The following IL17F variants were observed in gnomAD, a reference collection of about 807,000 sequenced individuals.
IL17F encodes the protein interleukin-17F.
In IL17F, 6 loss-of-function variants were observed where a neutral mutation model predicts 8.3. That is an observed-to-expected ratio of 0.73 (90% CI 0.40 to 1.43). IL17F has a LOEUF of 1.43. Ranked by LOEUF, IL17F falls within the 40% of genes most tolerant of loss-of-function variation. IL17F has a pLI of 0.02. For missense variants in IL17F, 204 were observed against 209.6 expected, an observed-to-expected ratio of 0.97 and a Z score of 0.17; for synonymous variants, 98 against 81.6, an observed-to-expected ratio of 1.20 and a Z score of -1.08.
intron 1 of IL17F, among the ~76,000 whole-genome samples, chr6:52,239,816 A>G (rs1389354151): frequency 6.6e-6 from 1 of 152,236 alleles, no homozygotes; most frequent in Non-Finnish European, 1.5e-5. Context: ...TAAGAAAAAC[A>G]TTACGCAAAA....
In IL17F at chr6:52,244,453, G is replaced by A; in HGVS notation, c.-24C>T. 1.2e-6 allele frequency: 2 copies of A among 1,612,852 alleles called. No homozygotes were observed. The highest frequency in any genetic ancestry group is 1.7e-6 in the Non-Finnish European group (2 of 1,178,850). On this transcript the variant is annotated 5_prime_UTR_variant, in exon 1 of 3. Transcript: ENST00000336123. ...ATGTTGCGCTGGTGGCTTACTTTGT[G>A]CAGGAAGCTCTTTCTGTGAATGTAT...
chr6:52,242,465 C>T (rs1764091541), intron 1 of IL17F, among the ~76,000 whole-genome samples: 1 of 152,208 alleles, frequency 6.6e-6, no homozygotes, highest in Non-Finnish European at 1.5e-5. Context: ...TTCCAATGCT[C>T]CTTGCACTGT....
chr6:52,240,253 A>G (rs1186635210), intron 1 of IL17F, among the ~76,000 whole-genome samples: 1 of 152,132 alleles, frequency 6.6e-6, no homozygotes, highest in African/African-American at 2.4e-5. Context: ...CCTGGCCAAC[A>G]TGGTGAAACC....
In IL17F at chr6:52,236,719, T is replaced by A; in HGVS notation, c.*212A>T. ...AATACTTTATTATATTAGCACTGAA[T>A]ATATTAATTTTTCTCCTAACATTTT... On this transcript the variant is annotated 3_prime_UTR_variant, in exon 3 of 3. Coordinates refer to ENST00000336123, the MANE Select transcript of IL17F (RefSeq NM_052872.4). 1 of 573,566 alleles carries A rather than the reference T, an allele frequency of 1.7e-6. No individual in the cohort carries two copies. Among genetic ancestry groups the A allele is most frequent in the East Asian group, 3.0e-5 (1 of 33,086 alleles). The allele number at this position is 573,566 out of a possible 1,614,324, so 35.5% of individuals were successfully genotyped here. A position where few individuals can be genotyped will look rare whatever the true frequency, so the allele number is the denominator to read the frequency against.
chr6:52,240,005 C>T (rs1484393954), intron 1 of IL17F, among the ~76,000 whole-genome samples: 1 of 152,132 alleles, frequency 6.6e-6, no homozygotes, highest in Non-Finnish European at 1.5e-5. Context: ...TGAAAGTGCA[C>T]TGAAGACCTA....
upstream of IL17F, chr6:52,244,654 C>T (rs1331627674): frequency 1.7e-6 from 1 of 574,388 alleles, no homozygotes; most frequent in African/African-American, 1.9e-5. Context: ...AAAAGGGGGA[C>T]CCTAAAGAAA....
intron 1 of IL17F, chr6:52,239,296 C>T (rs1245913353): frequency 9.6e-6 from 3 of 311,382 alleles, no homozygotes; most frequent in East Asian, 7.1e-5. Context: ...TAATAATGCT[C>T]ACTTTATGAG....
intron 2 of IL17F, among the ~76,000 whole-genome samples, chr6:52,237,735 T>C (rs533564563): frequency 6.6e-6 from 1 of 152,140 alleles, no homozygotes; most frequent in East Asian, 1.9e-4. Flanking sequence ...CCACTTGTAG[T>C]GTGACAGGAC....
intron 1 of IL17F, among the ~76,000 whole-genome samples, chr6:52,241,093 TG>T (rs1342988886): frequency 1.3e-5 from 2 of 152,052 alleles, no homozygotes; most frequent in African/African-American, 4.8e-5. Context: ...TTTGTTTGTT[TG>T]TTTTGATGGA....
intron 1 of IL17F, among the ~76,000 whole-genome samples, chr6:52,243,647 T>A (rs1209721240): frequency 6.6e-6 from 1 of 152,154 alleles, no homozygotes; most frequent in Non-Finnish European, 1.5e-5. Context: ...CCTGACTCTA[T>A]AATGGATGGC....
At position 52,237,148 on chromosome 6, in the gene IL17F, C is replaced by T. The variant is rs376780230; in HGVS notation, c.275G>A (p.Arg92Gln). 35 of 1,613,704 alleles carry T rather than the reference C, an allele frequency of 2.2e-5. No individual in the cohort carries two copies. Among genetic ancestry groups the T allele is most frequent in the East Asian group, 4.5e-5 (2 of 44,868 alleles). Reference protein sequence around the residue: ...WNYTVTWDPNRYPSEVVQAQC... With the variant: ...WNYTVTWDPNQYPSEVVQAQC... ...GGCCTGTACAACTTCCGAGGGGTAC[C>T]GGTTGGGGTCCCAAGTGACACTGCA... The change falls in exon 3 of 3, where the codon CGG (arginine) becomes CAG (glutamine). Residue 92 changes from arginine to glutamine, a missense_variant. Physicochemically the swap from Arg to Gln is conservative, Grantham distance 43 (BLOSUM62 1). Transcript: ENST00000336123.
Position 52,237,223 on chromosome 6 carries a change from G to A in IL17F, c.255-55C>T, listed in dbSNP as rs971133931. 93 of 1,336,648 alleles carry A rather than the reference G, an allele frequency of 7.0e-5. No individual in the cohort carries two copies. The African/African-American group carries it at 1.1e-3, about 15-fold the overall frequency. The allele number at this position is 1,336,648 out of a possible 1,614,324, so 82.8% of individuals were successfully genotyped here. A position where few individuals can be genotyped will look rare whatever the true frequency, so the allele number is the denominator to read the frequency against. On this transcript the variant is annotated intron_variant, in intron 2 of 2. Coordinates refer to ENST00000336123, the MANE Select transcript of IL17F (RefSeq NM_052872.4). The stretch of plus-strand genomic sequence containing the variant: ...GTGAGGCATGGGGGAGGAAGACAGC[G>A]AATGAGAGCCCCACAGCACTGAGTG...
rs377582451 is a variant in IL17F, at chr6:52,239,832, G to A, written c.34-882C>T. ...AAGAAAAACATTACGCAAAACCAAC[G>A]ATAGCAAAGTTCCAATTATCCATGC... On this transcript the variant is annotated intron_variant, in intron 1 of 2. Transcript: ENST00000336123. Among the ~76,000 whole-genome samples, 71 of 152,274 alleles carry A rather than the reference G, an allele frequency of 4.7e-4. 1 individual carries two copies. Among genetic ancestry groups the A allele is most frequent in the African/African-American group, 1.5e-3 (61 of 41,550 alleles).
At chr6:52,241,538 A>G (rs1185980397) in intron 1 of IL17F, among the ~76,000 whole-genome samples, 1 of 152,172 alleles carries the variant, frequency 6.6e-6, no homozygotes, top group Admixed American at 6.5e-5. Flanking sequence ...ATTAATTTTC[A>G]TTATGAAAAC....
chr6:52,236,968 C>T lies in IL17F; in HGVS notation c.455G>A (p.Cys152Tyr), dbSNP rs777210315. Residue 152 changes from cysteine to tyrosine, a missense_variant, in exon 3 of 3, where the codon TGC becomes TAC. Cys to Tyr is a radical substitution (Grantham distance 194). Transcript: ENST00000336123. ...GTGGATGACAGGGGTGACGCAGGTGCAGCCAACAGTCACCAGCACCTTCTC... is the reference window on the plus strand; with the variant it reads ...GTGGATGACAGGGGTGACGCAGGTGTAGCCAACAGTCACCAGCACCTTCTC... ...QLEKVLVTVGCTCVTPVIHHV... is the reference protein window; with the variant it reads ...QLEKVLVTVGYTCVTPVIHHV... 1 of 1,614,126 alleles carries T rather than the reference C, an allele frequency of 6.2e-7. No individual in the cohort carries two copies. Among genetic ancestry groups the T allele is most frequent in the Non-Finnish European group, 8.5e-7 (1 of 1,179,962 alleles).
intron 1 of IL17F, among the ~76,000 whole-genome samples, chr6:52,241,760 G>T (rs1015740330): frequency 1.3e-5 from 2 of 152,174 alleles, no homozygotes; most frequent in African/African-American, 4.8e-5. Context: ...GTCCCAGAGG[G>T]AATAAATAAC....
chr6:52,241,157 C>T (rs1280337620), intron 1 of IL17F, among the ~76,000 whole-genome samples: 2 of 152,140 alleles, frequency 1.3e-5, no homozygotes, highest in African/African-American at 2.4e-5. Flanking sequence ...TGGTTTACTG[C>T]AATCTCCGCC....
At chr6:52,239,075 G>C (rs1478525660) in intron 1 of IL17F, 125 bp from the exon 2 acceptor site, 1 of 830,712 alleles carries the variant, frequency 1.2e-6, no homozygotes, top group Non-Finnish European at 2.0e-6. Flanking sequence ...TTGCACCTCA[G>C]TTCCTCACCT....
At chr6:52,238,201 C>T (rs982659707) in intron 2 of IL17F, among the ~76,000 whole-genome samples, 2 of 152,218 alleles carry the variant, frequency 1.3e-5, no homozygotes, top group Admixed American at 6.5e-5. Context: ...TTGATACTTA[C>T]ATTTGGAGAG....
Sources: allele counts gnomAD v4.1 joint callset (sites outside exome capture counted in the v4.1 genomes callset), GRCh38; gene constraint gnomAD v4.1.1; transcripts MANE v1.5; gene names NCBI Gene and HGNC (gene_info 2026-07-23, HGNC 2026-07-21).